The following ZNF790 variants were observed in gnomAD, a reference collection of about 807,000 sequenced individuals.
ZNF790 encodes zinc finger protein 790.
ZNF790 carries 8 observed loss-of-function variants against 12.1 expected under a neutral mutation model. The observed-to-expected ratio is 0.66, with a 90% CI of 0.39 to 1.19. The LOEUF (loss-of-function observed/expected upper bound fraction) is 1.19, where lower values mean the gene tolerates loss of function less well. ZNF790 is among the 50% of genes most tolerant of loss of function. The pLI is 0.01. For synonymous variants in ZNF790, 252 were observed against 244.3 expected, an observed-to-expected ratio of 1.03 and a Z score of -0.29; for missense variants, 707 against 752.2, an observed-to-expected ratio of 0.94 and a Z score of 0.70.
intron 1 of ZNF790, among the ~76,000 whole-genome samples, chr19:36,830,234 A>T (rs1032430107): frequency 2.6e-5 from 4 of 152,054 alleles, no homozygotes; most frequent in Non-Finnish European, 2.9e-5. Context: ...TGTATGTTTT[A>T]AAAAAAATCA....
intron 1 of ZNF790, among the ~76,000 whole-genome samples, chr19:36,831,641 A>C (rs1192641184): frequency 6.6e-6 from 1 of 152,246 alleles, no homozygotes; most frequent in Non-Finnish European, 1.5e-5. Flanking sequence ...ACAAAATTTA[A>C]CAAAGAAACA....
chr19:36,832,387 G>A (rs974194043), intron 1 of ZNF790, among the ~76,000 whole-genome samples: 2 of 152,262 alleles, frequency 1.3e-5, no homozygotes, highest in South Asian at 4.1e-4. Context: ...AAGGTACTGC[G>A]GAAATGATAG....
chr19:36,823,862 G>A, intron 2 of ZNF790, 72 bp from the exon 3 acceptor site: 3 of 1,434,734 alleles, frequency 2.1e-6, no homozygotes, highest in Non-Finnish European at 2.8e-6. Flanking sequence ...ATAGATGAAA[G>A]GGGAAAGGCT....
At position 36,838,153 on chromosome 19, in the gene ZNF790, C is replaced by G. The variant is rs1287438843; in HGVS notation, c.-74+184G>C. On this transcript the variant is annotated intron_variant, in intron 1 of 4. Transcript: ENST00000356725. This position sits in a 1 kb window ranked among gnomAD's most constrained non-coding sequence, Gnocchi z 4.4. Reference sequence around the variant, plus strand: ...ATACACACACACACACACAAGCTCCCGTCGCGGCCCCAGCTCCTGCATCAA... The same window carrying G: ...ATACACACACACACACACAAGCTCCGGTCGCGGCCCCAGCTCCTGCATCAA... 3 of 152,924 alleles carry G rather than the reference C, an allele frequency of 2.0e-5. No homozygotes were observed. The highest frequency in any genetic ancestry group is 2.9e-5 in the Non-Finnish European group (2 of 68,560). The allele number at this position is 152,924 out of a possible 1,614,324, so 9.5% of individuals were successfully genotyped here. A position where few individuals can be genotyped will look rare whatever the true frequency, so the allele number is the denominator to read the frequency against.
chr19:36,823,921 A>G, intron 2 of ZNF790, 131 bp from the exon 3 acceptor site: 1 of 622,610 alleles, frequency 1.6e-6, no homozygotes, highest in Non-Finnish European at 2.4e-6. Flanking sequence ...GAAAAACTGG[A>G]GTTGGCTGCC....
rs369671729 is a variant in ZNF790, at chr19:36,827,141, C to CATATATATATATATATAT, written c.-73-1467_-73-1450dup. On this transcript the variant is annotated intron_variant, in intron 1 of 4. Transcript: ENST00000356725. ...ATACACACACACACACACACACACA[C>CATATATATATATATATAT]ATATATATATATATATATATATATA... is the stretch of plus-strand genomic sequence containing the variant. Among the ~76,000 whole-genome samples the CATATATATATATATATAT allele has an allele frequency of 3.3e-4, 28 of 84,436 alleles. 1 individual carries two copies. Among genetic ancestry groups the CATATATATATATATATAT allele is most frequent in the East Asian group, 2.9e-3 (6 of 2,058 alleles). The allele number at this position is 84,436 out of a possible 152,430, so 55.4% of individuals were successfully genotyped here. A position where few individuals can be genotyped will look rare whatever the true frequency, so the allele number is the denominator to read the frequency against.
In ZNF790 at chr19:36,818,913, GT is replaced by G. The variant is rs568338598; in HGVS notation, c.1430del (p.Asn477ThrfsTer176). 9.9e-6 allele frequency: 16 copies of G among 1,610,446 alleles called. No individual in the cohort carries two copies. In the South Asian group the frequency reaches 1.5e-4, roughly 15 times the overall value. Reference sequence around the variant, plus strand: ...TCTTTCCACATTCCTTACATTCATAGTTTCTCTCACCAGTATGAATTTTCTG... The same window carrying G: ...TCTTTCCACATTCCTTACATTCATAGTTCTCTCACCAGTATGAATTTTCTG... ...RHQKIHTGER[N>X]YECKECGKTF... On this transcript the variant is annotated frameshift_variant, in exon 5 of 5. Coordinates refer to ENST00000356725, the MANE Select transcript of ZNF790 (RefSeq NM_206894.4). LOFTEE classifies it low-confidence loss of function (END_TRUNC).
rs1181335404 is a variant in ZNF790 at position 36,838,362 on chromosome 19, G to C, written c.-99C>G. 6.6e-6 allele frequency: 1 copy of C among 152,330 alleles called. No individual in the cohort carries two copies. The highest frequency in any genetic ancestry group is 1.5e-5 in the Non-Finnish European group (1 of 68,122). 9.4% of individuals were successfully genotyped at this position (152,330 alleles called of 1,614,324 possible). On this transcript the variant is annotated 5_prime_UTR_variant, in exon 1 of 5. Transcript: ENST00000356725. This position sits in a 1 kb window ranked among gnomAD's most constrained non-coding sequence, Gnocchi z 4.4. Reference sequence around the variant, plus strand: ...CCGGCCCTGCGGTCCCTTGATGGTGGAAGGTTCCGCGATCTTTCTATTAAC... The same window carrying C: ...CCGGCCCTGCGGTCCCTTGATGGTGCAAGGTTCCGCGATCTTTCTATTAAC...
intron 2 of ZNF790, among the ~76,000 whole-genome samples, chr19:36,824,345 C>T (rs2071751196): frequency 6.6e-6 from 1 of 151,782 alleles, no homozygotes; most frequent in East Asian, 1.9e-4. Flanking sequence ...GTTGCTCTGT[C>T]ACCCAGACCG....
At chr19:36,825,032 A>C (rs1313772747) in intron 2 of ZNF790, among the ~76,000 whole-genome samples, 1 of 152,148 alleles carries the variant, frequency 6.6e-6, no homozygotes, top group Non-Finnish European at 1.5e-5. Flanking sequence ...TCATCAGATG[A>C]GTTTTTTGTC....
intron 1 of ZNF790, among the ~76,000 whole-genome samples, chr19:36,836,563 C>T (rs544246957): frequency 6.5e-4 from 99 of 152,238 alleles, no homozygotes; most frequent in African/African-American, 2.2e-3. Context: ...TCGAGACCAT[C>T]CTGGCCGACA....
At chr19:36,833,257 C>G (rs954181707) in intron 1 of ZNF790, among the ~76,000 whole-genome samples, 1 of 152,200 alleles carries the variant, frequency 6.6e-6, no homozygotes. Context: ...ATTCTCCTGT[C>G]TCAGACTCCC....
intron 1 of ZNF790, among the ~76,000 whole-genome samples, chr19:36,834,360 CTT>C (rs891110348): frequency 1.3e-5 from 2 of 151,274 alleles, no homozygotes; most frequent in African/African-American, 4.9e-5. Flanking sequence ...ACAAAGAACT[CTT>C]AAGGATTAAC....
At chr19:36,820,378 C>T (rs978516167) in intron 4 of ZNF790, among the ~76,000 whole-genome samples, 1 of 152,170 alleles carries the variant, frequency 6.6e-6, no homozygotes, top group Non-Finnish European at 1.5e-5. Flanking sequence ...ATCCAGGTAT[C>T]ACCTCAATAA....
upstream of ZNF790, among the ~76,000 whole-genome samples, chr19:36,839,468 T>C (rs1015700838): frequency 6.6e-6 from 1 of 152,262 alleles, no homozygotes; most frequent in Admixed American, 6.6e-5. Context: ...TGGCACGATC[T>C]AGGCTCTCTG....
At chr19:36,847,276 G>A (rs546135877) in intron 1 of ZNF790, among the ~76,000 whole-genome samples, 9 of 151,960 alleles carry the variant, frequency 5.9e-5, no homozygotes, top group East Asian at 1.9e-4. Context: ...GCTTGAACCC[G>A]GGAGGCAGTG....
intron 1 of ZNF790, among the ~76,000 whole-genome samples, chr19:36,834,674 A>G (rs1037038692): frequency 6.6e-6 from 1 of 152,198 alleles, no homozygotes; most frequent in Non-Finnish European, 1.5e-5. Flanking sequence ...GGAGATTCAC[A>G]TACTCTTACT....
chr19:36,830,400 G>A (rs2071924029), intron 1 of ZNF790, among the ~76,000 whole-genome samples: 1 of 152,170 alleles, frequency 6.6e-6, no homozygotes, highest in African/African-American at 2.4e-5. Context: ...ACTCAGTCAT[G>A]TTATATAATT....
intron 2 of ZNF790, among the ~76,000 whole-genome samples, 200 bp from the exon 3 acceptor site, chr19:36,823,990 C>CCCTTTTTTTT: frequency 9.6e-6 from 1 of 104,468 alleles, no homozygotes; most frequent in Admixed American, 9.2e-5. Context: ...TGTCTACATG[C>CCCTTTTTTTT]TCTTTTTTTT....
Sources: gnomAD v4.1 joint callset for allele counts (sites outside exome capture counted in the v4.1 genomes callset) on GRCh38, gnomAD v4.1.1 for gene constraint, Gnocchi (gnomAD v3.1) non-coding constraint, MANE v1.5 for transcripts, NCBI Gene and HGNC (gene_info 2026-07-23, HGNC 2026-07-21) for gene names.